Variants in MROH9 observed in about 807,000 individuals in gnomAD.
MROH9 encodes maestro heat-like repeat-containing protein family member 9.
MROH9 carries 92 observed loss-of-function variants against 98.2 expected under a neutral mutation model. That is an observed-to-expected ratio of 0.94 (90% CI 0.79 to 1.11). The LOEUF (loss-of-function observed/expected upper bound fraction) is 1.11, where lower values mean the gene tolerates loss of function less well. MROH9 is among the 50% of genes most tolerant of loss of function. The pLI is 0.00. For missense variants in MROH9, 1,057 were observed against 1,014.8 expected (o/e 1.04, Z -0.57); for synonymous variants, 397 against 368.9 (o/e 1.08, Z -0.87).
At chr1:170,958,098 C>A (rs950385486) in intron 3 of MROH9, among the ~76,000 whole-genome samples, 1 of 152,286 alleles carries the variant, frequency 6.6e-6, no homozygotes, top group South Asian at 2.1e-4. Flanking sequence ...CGTGAGCCAC[C>A]ACGCCCGGCG....
chr1:171,047,280 T>A (rs566839946), intron 20 of MROH9, among the ~76,000 whole-genome samples: 153 of 152,312 alleles, frequency 1.0e-3, no homozygotes, highest in African/African-American at 3.5e-3. Flanking sequence ...TTTCTCTGCA[T>A]CCTCTTTAAG....
At chr1:171,063,252 ATTTTT>A (rs11385110) in intron 21 of MROH9, among the ~76,000 whole-genome samples, 111 of 124,944 alleles carry the variant, frequency 8.9e-4, no homozygotes, top group African/African-American at 3.1e-3. Flanking sequence ...ATTATCCCGG[ATTTTT>A]TTTTTTTTTT....
chr1:171,042,096 T>C (rs930895876), intron 20 of MROH9, among the ~76,000 whole-genome samples: 1 of 152,046 alleles, frequency 6.6e-6, no homozygotes, highest in Admixed American at 6.6e-5. Context: ...GTAACTATTA[T>C]TCTGTACACA....
intron 10 of MROH9, among the ~76,000 whole-genome samples, chr1:170,987,418 G>A (rs923470098): frequency 8.5e-5 from 13 of 152,134 alleles, no homozygotes; most frequent in Admixed American, 7.9e-4. Flanking sequence ...ACGAAATCTG[G>A]GACTGCTTCC....
intron 15 of MROH9, among the ~76,000 whole-genome samples, chr1:171,013,457 A>G (rs1388232041): frequency 6.6e-6 from 1 of 152,128 alleles, no homozygotes; most frequent in Non-Finnish European, 1.5e-5. Context: ...GAGGTAGAAG[A>G]GTTTTACACC....
intron 20 of MROH9, among the ~76,000 whole-genome samples, chr1:171,059,038 T>C (rs1304922785): frequency 4.6e-5 from 7 of 152,062 alleles, no homozygotes; most frequent in Non-Finnish European, 1.0e-4. Context: ...AAACTATCAT[T>C]AGGGTGAACA....
chr1:170,994,371 A>C (rs1313184856), intron 12 of MROH9, among the ~76,000 whole-genome samples: 1 of 152,182 alleles, frequency 6.6e-6, no homozygotes, highest in African/African-American at 2.4e-5. Context: ...GGAAAAGTAC[A>C]TATGTTATTA....
intron 8 of MROH9, among the ~76,000 whole-genome samples, chr1:170,973,530 A>T (rs1002298316): frequency 2.0e-5 from 3 of 152,174 alleles, no homozygotes; most frequent in Admixed American, 1.3e-4. Flanking sequence ...ATAAAAAAAA[A>T]AGTTCCTGCA....
At chr1:170,992,767 TTG>T (rs1301035623) in intron 12 of MROH9, among the ~76,000 whole-genome samples, 1 of 152,136 alleles carries the variant, frequency 6.6e-6, no homozygotes, top group Non-Finnish European at 1.5e-5. Context: ...GACACTTACC[TTG>T]TATGTCAGCG....
chr1:171,016,142 A>AC (rs1322935041), intron 16 of MROH9, 21 bp from the exon 17 acceptor site: 2 of 1,410,924 alleles, frequency 1.4e-6, no homozygotes, highest in Admixed American at 5.8e-5. Context: ...AAATCCCACC[A>AC]TTTTTTCCTT....
At chr1:171,033,699 C>T (rs765740873) in intron 20 of MROH9, among the ~76,000 whole-genome samples, 14 of 152,046 alleles carry the variant, frequency 9.2e-5, no homozygotes, top group Non-Finnish European at 1.5e-4. Flanking sequence ...CTGATGGGAG[C>T]CTCTGAACGC....
At chr1:170,945,474 T>C (rs1407620731) in intron 1 of MROH9, 46 bp from the exon 2 acceptor site, 10 of 1,402,684 alleles carry the variant, frequency 7.1e-6, no homozygotes, top group Non-Finnish European at 9.1e-6. Context: ...AACAAAACTG[T>C]AGGAAAGTTT....
chr1:171,027,088 C>T (rs11487418), intron 20 of MROH9, among the ~76,000 whole-genome samples: 34,603 of 151,904 alleles, frequency 0.23, 6,203 homozygotes, highest in African/African-American at 0.51. Flanking sequence ...CTTTTTATTC[C>T]TTCTTCCAAA....
intron 20 of MROH9, among the ~76,000 whole-genome samples, chr1:171,027,029 G>C (rs903291816): frequency 1.3e-5 from 2 of 152,122 alleles, no homozygotes; most frequent in Non-Finnish European, 2.9e-5. Flanking sequence ...AAGGAGTACA[G>C]GGTTGAGAAA....
chr1:171,045,946 A>C (rs78359696), intron 20 of MROH9, among the ~76,000 whole-genome samples: 1,865 of 152,260 alleles, frequency 0.012, 34 homozygotes, highest in African/African-American at 0.041. Context: ...TCACTCTAAT[A>C]GTATTTCCTC....
chr1:170,965,177 T>G lies in MROH9; in HGVS notation c.402T>G (p.Asp134Glu), dbSNP rs564909700. The G allele has an allele frequency of 1.6e-5, 25 of 1,611,046 alleles. No homozygotes were observed. In the South Asian group the frequency reaches 2.6e-4, roughly 17 times the overall value. Residue 134 changes from aspartate (D) to glutamate (E), a missense_variant, in exon 7 of 22, where the codon GAT becomes GAG. Asp to Glu is a conservative substitution (Grantham distance 45). Transcript: ENST00000367759. ...LKEMLVWMSK[D>E]SSYLQERIMV... The stretch of plus-strand genomic sequence containing the variant: ...AAATGCTCGTGTGGATGAGTAAAGA[T>G]AGCTCATATCTGCAAGAGAGAATAA...
At chr1:171,037,882 G>A (rs994006685) in intron 20 of MROH9, among the ~76,000 whole-genome samples, 1 of 151,866 alleles carries the variant, frequency 6.6e-6, no homozygotes, top group African/African-American at 2.4e-5. Flanking sequence ...TGAGCCATCT[G>A]GAATTTTTAG....
chr1:171,025,898 C>T (rs1337385829), intron 20 of MROH9, among the ~76,000 whole-genome samples: 1 of 152,152 alleles, frequency 6.6e-6, no homozygotes, highest in Non-Finnish European at 1.5e-5. Flanking sequence ...TTTTTTATAT[C>T]AGACAAACCT....
intron 3 of MROH9, among the ~76,000 whole-genome samples, chr1:170,956,442 C>T (rs535004378): frequency 6.6e-6 from 1 of 152,212 alleles, no homozygotes; most frequent in Non-Finnish European, 1.5e-5. Flanking sequence ...TCTACCCATC[C>T]ATGAGCATGG....
Sources: allele counts gnomAD v4.1 joint callset (sites outside exome capture counted in the v4.1 genomes callset), GRCh38; gene constraint gnomAD v4.1.1; transcripts MANE v1.5; gene names NCBI Gene and HGNC (gene_info 2026-07-23, HGNC 2026-07-21).